The following HLCS variants were observed in gnomAD, a reference collection of about 807,000 sequenced individuals.
HLCS encodes biotin--protein ligase.
A neutral mutation model predicts 75.0 loss-of-function variants in HLCS; 53 were observed. That is an observed-to-expected ratio of 0.71 (90% CI 0.57 to 0.89). HLCS has a LOEUF of 0.89. Ranked by LOEUF, HLCS falls within the 40% of genes least tolerant of loss-of-function variation. HLCS has a pLI of 0.00. For missense variants in HLCS, 966 were observed against 1,074.0 expected, an observed-to-expected ratio of 0.90 and a Z score of 1.41; for synonymous variants, 431 against 428.6, an observed-to-expected ratio of 1.01 and a Z score of -0.07.
At chr21:36,904,612 A>G (rs185519257) in intron 5 of HLCS, among the ~76,000 whole-genome samples, 1 of 152,296 alleles carries the variant, frequency 6.6e-6, no homozygotes, top group East Asian at 1.9e-4. Context: ...GTACCATAGG[A>G]AGCATTTAGC....
At chr21:36,911,068 G>A (rs1299555221) in intron 5 of HLCS, among the ~76,000 whole-genome samples, 2 of 152,214 alleles carry the variant, frequency 1.3e-5, no homozygotes, top group African/African-American at 4.8e-5. Context: ...CCCACATTTT[G>A]AACCAGCTGC....
intron 1 of HLCS, among the ~76,000 whole-genome samples, chr21:36,985,875 A>T (rs750417772): frequency 6.6e-6 from 1 of 152,082 alleles, no homozygotes; most frequent in Non-Finnish European, 1.5e-5. Context: ...TTGGCACAGG[A>T]TGTCAGTTCA....
At chr21:36,944,498 A>G (rs2067291169) in intron 2 of HLCS, among the ~76,000 whole-genome samples, 1 of 152,218 alleles carries the variant, frequency 6.6e-6, no homozygotes, top group African/African-American at 2.4e-5. Flanking sequence ...AAATCTGTGC[A>G]TTTTATTTTA....
intron 7 of HLCS, among the ~76,000 whole-genome samples, chr21:36,765,445 C>A (rs1337365578): frequency 1.3e-5 from 2 of 152,188 alleles, no homozygotes; most frequent in Non-Finnish European, 2.9e-5. Flanking sequence ...AGCGTCTGAA[C>A]ATGACTATAT....
At chr21:36,780,056 C>T (rs1270333648) in intron 6 of HLCS, among the ~76,000 whole-genome samples, 2 of 152,138 alleles carry the variant, frequency 1.3e-5, no homozygotes, top group African/African-American at 2.4e-5. Context: ...GTCTTCCTTA[C>T]AGAAAGTTAC....
chr21:36,931,441 T>G lies in HLCS; in HGVS notation c.1438-1008A>C, dbSNP rs1333915476. Among the ~76,000 whole-genome samples, 3 of 152,026 alleles carry G rather than the reference T, an allele frequency of 2.0e-5. No homozygotes were observed. In the East Asian group the frequency reaches 5.8e-4, roughly 29 times the overall value. On this transcript the variant is annotated intron_variant, in intron 4 of 10. Transcript: ENST00000674895. The stretch of plus-strand genomic sequence containing the variant: ...AATACCTAGGAAGAGAGCAGCGTTA[T>G]TCATCATTTTAAGAGCGTTTGCAGG...
rs560942070 is a variant in HLCS, at chr21:36,759,190, C to T, written c.2236+537G>A. On this transcript the variant is annotated intron_variant, in intron 9 of 10. Coordinates refer to ENST00000674895, the MANE Select transcript of HLCS (RefSeq NM_001352514.2). ...CCACAGAGTGAGGCTGATGACTGGA[C>T]GGCCAGGAACCTAAGGACTTCTGAG... is the stretch of plus-strand genomic sequence containing the variant. 26 of 471,036 alleles carry T rather than the reference C, an allele frequency of 5.5e-5. 1 individual carries two copies. The highest frequency in any genetic ancestry group is 3.3e-4 in the Middle Eastern group (1 of 3,076). The allele number at this position is 471,036 out of a possible 1,614,324, so 29.2% of individuals were successfully genotyped here.
chr21:36,833,318 C>T (rs549959470), intron 6 of HLCS, among the ~76,000 whole-genome samples: 4 of 151,080 alleles, frequency 2.6e-5, no homozygotes, highest in Admixed American at 1.3e-4. Flanking sequence ...GGTGCAATGG[C>T]TCACACCTGT....
chr21:36,904,960 G>A (rs1046362860), intron 5 of HLCS, among the ~76,000 whole-genome samples: 4 of 152,180 alleles, frequency 2.6e-5, no homozygotes, highest in Non-Finnish European at 4.4e-5. Context: ...TCTGCAATAC[G>A]CAAATGCACC....
chr21:36,812,238 T>G (rs1339457986), intron 6 of HLCS, among the ~76,000 whole-genome samples: 3 of 152,190 alleles, frequency 2.0e-5, no homozygotes, highest in Non-Finnish European at 4.4e-5. Context: ...CTCTCTATCC[T>G]TCTCAGAGTC....
intron 6 of HLCS, among the ~76,000 whole-genome samples, chr21:36,785,556 C>T (rs1165175998): frequency 6.6e-6 from 1 of 152,156 alleles, no homozygotes; most frequent in Admixed American, 6.5e-5. Context: ...CTTACTGAAT[C>T]CTTGTACTGT....
intron 6 of HLCS, among the ~76,000 whole-genome samples, chr21:36,857,381 T>C (rs1357516696): frequency 6.6e-6 from 1 of 152,042 alleles, no homozygotes; most frequent in African/African-American, 2.4e-5. Context: ...AGGAGTGGGG[T>C]AGGAGAGATA....
At chr21:36,851,383 T>G (rs150604362) in intron 6 of HLCS, among the ~76,000 whole-genome samples, 1,917 of 152,326 alleles carry the variant, frequency 0.013, 23 homozygotes, top group Non-Finnish European at 0.017. Context: ...TGCAACAACA[T>G]GGACGGAACT....
At chr21:36,985,403 C>T (rs2069209776) in intron 1 of HLCS, among the ~76,000 whole-genome samples, 1 of 152,152 alleles carries the variant, frequency 6.6e-6, no homozygotes, top group Non-Finnish European at 1.5e-5. Flanking sequence ...GAGGCCAAGG[C>T]GGGCGGATCA....
chr21:36,869,354 G>A (rs1177664336), intron 6 of HLCS, among the ~76,000 whole-genome samples: 1 of 152,024 alleles, frequency 6.6e-6, no homozygotes, highest in East Asian at 1.9e-4. Flanking sequence ...GGATGATCTC[G>A]ATCTCCTGAC....
chr21:36,963,813 C>T (rs1318691498), intron 1 of HLCS, among the ~76,000 whole-genome samples: 2 of 152,212 alleles, frequency 1.3e-5, no homozygotes, highest in Admixed American at 1.3e-4. Context: ...AGACAAAAAG[C>T]TTGATACTGC....
intron 6 of HLCS, among the ~76,000 whole-genome samples, chr21:36,880,935 A>G (rs535745867): frequency 6.0e-5 from 9 of 150,812 alleles, no homozygotes; most frequent in African/African-American, 2.2e-4. Flanking sequence ...TTGGGTTGGA[A>G]GCGATGCCAG....
chr21:36,981,814 A>G (rs1460186330), intron 1 of HLCS, among the ~76,000 whole-genome samples: 2 of 152,182 alleles, frequency 1.3e-5, no homozygotes, highest in Non-Finnish European at 2.9e-5. Flanking sequence ...AATTTCAAGC[A>G]AAGACTTGCA....
chr21:36,916,517 A>ATTTTTTTTTTTTTTTTTTTTT (rs1569188583), intron 5 of HLCS, among the ~76,000 whole-genome samples: 1 of 136,540 alleles, frequency 7.3e-6, no homozygotes. Context: ...ATGCCTAGCT[A>ATTTTTTTTTTTTTTTTTTTTT]ATTTTTTTTT....
Sources: gnomAD v4.1 joint callset for allele counts (sites outside exome capture counted in the v4.1 genomes callset) on GRCh38, gnomAD v4.1.1 for gene constraint, MANE v1.5 for transcripts, NCBI Gene and HGNC (gene_info 2026-07-23, HGNC 2026-07-21) for gene names.